RALGAPA1: variants seen among roughly 807,000 people sequenced by gnomAD.
The protein encoded by RALGAPA1 is ral GTPase-activating protein subunit alpha-1.
Under a neutral mutation model 269.6 loss-of-function variants are expected in RALGAPA1, and 52 were observed. That is an observed-to-expected ratio of 0.19 (90% CI 0.15 to 0.24). The LOEUF is 0.24. Among genes scored for constraint, RALGAPA1 ranks in the 10% least tolerant of loss-of-function variants. The probability of loss-of-function intolerance (pLI) is 1.00; values close to 1 mark genes in which losing one functional copy is unlikely to be tolerated. For synonymous variants in RALGAPA1, 817 were observed against 1,008.3 expected (o/e 0.81, Z 3.60); for missense variants, 1,917 against 3,013.9 (o/e 0.64, Z 8.52).
intron 25 of RALGAPA1, among the ~76,000 whole-genome samples, chr14:35,671,802 G>A (rs2064465585): frequency 6.6e-6 from 1 of 152,164 alleles, no homozygotes; most frequent in South Asian, 2.1e-4. Flanking sequence ...AAGGTTAAAA[G>A]TACAAGGCCC....
At chr14:35,773,326 A>T (rs2074778527) in intron 3 of RALGAPA1, among the ~76,000 whole-genome samples, 1 of 152,128 alleles carries the variant, frequency 6.6e-6, no homozygotes, top group African/African-American at 2.4e-5. Context: ...CAGTTTCTAA[A>T]GGTAGAGGCC....
chr14:35,607,552 A>C (rs1031819683), intron 35 of RALGAPA1, among the ~76,000 whole-genome samples: 1 of 152,208 alleles, frequency 6.6e-6, no homozygotes, highest in Non-Finnish European at 1.5e-5. Flanking sequence ...TTCTGCCAGA[A>C]GAGCGAGCTA....
chr14:35,662,817 T>C (rs2063629528), intron 27 of RALGAPA1, among the ~76,000 whole-genome samples: 1 of 152,082 alleles, frequency 6.6e-6, no homozygotes, highest in Non-Finnish European at 1.5e-5. Context: ...AAAAAAGCCA[T>C]AGCTATTACA....
At chr14:35,601,764 T>C (rs2059304195) in intron 36 of RALGAPA1, among the ~76,000 whole-genome samples, 1 of 152,228 alleles carries the variant, frequency 6.6e-6, no homozygotes, top group African/African-American at 2.4e-5. Flanking sequence ...ATGCTTGTTT[T>C]ATATGTAATG....
intron 35 of RALGAPA1, among the ~76,000 whole-genome samples, chr14:35,623,342 C>G (rs2060771731): frequency 6.7e-6 from 1 of 150,050 alleles, no homozygotes; most frequent in Non-Finnish European, 1.5e-5. Flanking sequence ...CAGACATACA[C>G]ACACACAGAC....
At chr14:35,672,813 C>A in intron 25 of RALGAPA1, 54 bp downstream of exon 25, 1 of 1,398,812 alleles carries the variant, frequency 7.1e-7, no homozygotes, top group South Asian at 1.6e-5. Flanking sequence ...AATCAAGAAT[C>A]AAAGATAATA....
At chr14:35,767,219 T>C (rs1007753158) in intron 4 of RALGAPA1, 1 of 168,584 alleles carries the variant, frequency 5.9e-6, no homozygotes, top group African/African-American at 2.4e-5. Flanking sequence ...TCCTTTCTTG[T>C]TCTTCAATGA....
At chr14:35,612,716 T>A (rs973786435) in intron 35 of RALGAPA1, among the ~76,000 whole-genome samples, 3 of 152,002 alleles carry the variant, frequency 2.0e-5, no homozygotes, top group Non-Finnish European at 4.4e-5. Flanking sequence ...TTTTTTGTAT[T>A]TTTAGTAGAG....
chr14:35,797,448 G>A (rs1051344626), intron 1 of RALGAPA1, among the ~76,000 whole-genome samples: 9 of 152,142 alleles, frequency 5.9e-5, no homozygotes, highest in Middle Eastern at 3.4e-3. Context: ...ATAAAGAAAG[G>A]TTGGTTAATG....
Position 35,592,714 on chromosome 14 carries a change from A to T in RALGAPA1, c.7209+2920T>A, listed in dbSNP as rs561030063. On this transcript the variant is annotated intron_variant, in intron 37 of 41. Coordinates refer to ENST00000680220, the MANE Select transcript of RALGAPA1 (RefSeq NM_001346249.2). The stretch of plus-strand genomic sequence containing the variant: ...TGATTTAACACACACAAATCAATTG[A>T]TGTGATACACCACATTAACAGAATA... Among the ~76,000 whole-genome samples, 285 of 152,344 alleles carry T rather than the reference A, an allele frequency of 1.9e-3. 1 individual carries two copies. Among genetic ancestry groups the T allele is most frequent in the Non-Finnish European group, 3.7e-3 (249 of 68,022 alleles).
intron 13 of RALGAPA1, among the ~76,000 whole-genome samples, chr14:35,726,504 G>T (rs2069922773): frequency 6.6e-6 from 1 of 151,780 alleles, no homozygotes; most frequent in Admixed American, 6.6e-5. Flanking sequence ...ATAAATTCTG[G>T]CCAGGTGTGG....
intron 39 of RALGAPA1, among the ~76,000 whole-genome samples, chr14:35,554,035 AGAG>A (rs1437323569): frequency 6.6e-6 from 1 of 152,176 alleles, no homozygotes; most frequent in Non-Finnish European, 1.5e-5. Flanking sequence ...AAGCACAGGA[AGAG>A]GGAGTGTTCC....
intron 16 of RALGAPA1, among the ~76,000 whole-genome samples, chr14:35,703,185 C>T (rs964388731): frequency 1.3e-5 from 2 of 152,092 alleles, no homozygotes; most frequent in African/African-American, 4.8e-5. Context: ...TAAAAATGTA[C>T]CCCTTGGCTG....
chr14:35,546,665 A>G (rs2054488418), intron 41 of RALGAPA1, among the ~76,000 whole-genome samples: 1 of 152,042 alleles, frequency 6.6e-6, no homozygotes. Flanking sequence ...TGCAATTATG[A>G]ATCCATTTTT....
chr14:35,749,071 T>C (rs2072427782), intron 9 of RALGAPA1, among the ~76,000 whole-genome samples: 2 of 152,188 alleles, frequency 1.3e-5, no homozygotes, highest in Non-Finnish European at 2.9e-5. Context: ...TCTACCCACC[T>C]ATAGTTATAT....
intron 17 of RALGAPA1, among the ~76,000 whole-genome samples, chr14:35,691,794 A>T (rs2066502895): frequency 6.6e-6 from 1 of 152,190 alleles, no homozygotes; most frequent in South Asian, 2.1e-4. Flanking sequence ...ATTCCTAGTG[A>T]TATACTAGTA....
intron 18 of RALGAPA1, among the ~76,000 whole-genome samples, chr14:35,687,405 T>A (rs1053306854): frequency 6.6e-6 from 1 of 152,190 alleles, no homozygotes; most frequent in Non-Finnish European, 1.5e-5. Flanking sequence ...ATATTCCTAA[T>A]AAACTACAAA....
At chr14:35,805,039 G>C (rs1317041574) in intron 1 of RALGAPA1, among the ~76,000 whole-genome samples, 2 of 152,016 alleles carry the variant, frequency 1.3e-5, no homozygotes. Flanking sequence ...TGTAATCCCA[G>C]CACTTTGGGA....
At chr14:35,654,560 C>T in intron 29 of RALGAPA1, 83 bp from the exon 30 acceptor site, 1 of 1,433,694 alleles carries the variant, frequency 7.0e-7, no homozygotes, top group Non-Finnish European at 9.3e-7. Flanking sequence ...TTTTACATTT[C>T]ATACATTTGT....
Sources: allele counts gnomAD v4.1 joint callset (sites outside exome capture counted in the v4.1 genomes callset), GRCh38; gene constraint gnomAD v4.1.1; transcripts MANE v1.5; gene names NCBI Gene and HGNC (gene_info 2026-07-23, HGNC 2026-07-21).